Variants in BIRC6 observed in about 807,000 individuals in gnomAD.
BIRC6 encodes the protein dual E2 ubiquitin-conjugating enzyme/E3 ubiquitin-protein ligase BIRC6.
Under a neutral mutation model 503.3 loss-of-function variants are expected in BIRC6, and 98 were observed. That is an observed-to-expected ratio of 0.19 (90% CI 0.17 to 0.23). The LOEUF (loss-of-function observed/expected upper bound fraction) is 0.23. Ranked by LOEUF, BIRC6 falls within the 10% of genes least tolerant of loss-of-function variation. The pLI, the probability that BIRC6 is intolerant of heterozygous loss-of-function variation, is 1.00. For missense variants in BIRC6, 5,360 were observed against 5,806.0 expected, an observed-to-expected ratio of 0.92 and a Z score of 2.50; for synonymous variants, 2,240 against 2,078.7, an observed-to-expected ratio of 1.08 and a Z score of -2.11.
At chr2:32,483,696 G>T (rs1472121995) in intron 39 of BIRC6, among the ~76,000 whole-genome samples, 2 of 152,130 alleles carry the variant, frequency 1.3e-5, no homozygotes. Context: ...TTTGAAGATG[G>T]CAGGCCAGTT....
intron 26 of BIRC6, 97 bp from the exon 27 acceptor site, chr2:32,467,428 C>A: frequency 2.1e-6 from 2 of 952,970 alleles, no homozygotes; most frequent in Non-Finnish European, 1.6e-6. Context: ...TAGTGAGTTG[C>A]TTTCATATTT....
At chr2:32,594,465 TG>T (rs1304602414) in intron 67 of BIRC6, among the ~76,000 whole-genome samples, 4 of 152,160 alleles carry the variant, frequency 2.6e-5, no homozygotes, top group Non-Finnish European at 5.9e-5. Context: ...GAGGACTAAA[TG>T]GATAGATCAC....
chr2:32,518,011 C>G (rs2055242238), intron 55 of BIRC6, among the ~76,000 whole-genome samples: 1 of 150,702 alleles, frequency 6.6e-6, no homozygotes, highest in African/African-American at 2.4e-5. Context: ...TTTTTCTAAC[C>G]CTGGACACGT....
In BIRC6 at chr2:32,502,908, A is replaced by T. The variant is rs756156918; in HGVS notation, c.9304+17A>T. The stretch of plus-strand genomic sequence containing the variant: ...ATGATATGGGTAAGATAATATTTCA[A>T]TAACTATCATTTAAGTGTAGTTATG... On this transcript the variant is annotated intron_variant, in intron 48 of 73. Transcript: ENST00000421745. 1 of 1,577,626 alleles carries T rather than the reference A, an allele frequency of 6.3e-7. No homozygotes were observed. Among genetic ancestry groups the T allele is most frequent in the African/African-American group, 1.4e-5 (1 of 73,628 alleles).
At position 32,618,702 on chromosome 2, in the gene BIRC6, T is replaced by C. The variant is rs550822032; in HGVS notation, c.*798T>C. Reference sequence around the variant, plus strand: ...TTTTTTTTTTCTAAAGGGCTCCTTTTTTCCTGGACTATGTGGTTTTATGAC... The same window carrying C: ...TTTTTTTTTTCTAAAGGGCTCCTTTCTTCCTGGACTATGTGGTTTTATGAC... On this transcript the variant is annotated 3_prime_UTR_variant, in exon 74 of 74. Coordinates refer to ENST00000421745, the MANE Select transcript of BIRC6 (RefSeq NM_016252.4). 7 of 152,748 alleles carry C rather than the reference T, an allele frequency of 4.6e-5. No homozygotes were observed. Among genetic ancestry groups the C allele is most frequent in the South Asian group, 2.1e-4 (1 of 4,826 alleles). The allele number at this position is 152,748 out of a possible 1,614,324, so 9.5% of individuals were successfully genotyped here.
intron 24 of BIRC6, 62 bp downstream of exon 24, chr2:32,463,443 T>A (rs2048208457): frequency 1.4e-6 from 2 of 1,437,320 alleles, no homozygotes; most frequent in Admixed American, 2.6e-5. Context: ...GAAAAAGTAC[T>A]TTAAAAATGA....
chr2:32,365,978 G>A lies in BIRC6; in HGVS notation c.325+8492G>A, dbSNP rs150499399. On this transcript the variant is annotated intron_variant, in intron 1 of 73. Coordinates refer to ENST00000421745, the MANE Select transcript of BIRC6 (RefSeq NM_016252.4). ...TGGCTCACTGTAAACTCTGCCTCCT[G>A]GGTTCAAGCGATTCTCCTGTCTCAG... Among the ~76,000 whole-genome samples, 914 of 152,118 alleles carry A rather than the reference G, an allele frequency of 6.0e-3. 17 individuals carry two copies. Among genetic ancestry groups the A allele is most frequent in the African/African-American group, 0.021 (890 of 41,496 alleles).
chr2:32,435,532 C>T lies in BIRC6; in HGVS notation c.3446C>T (p.Ser1149Phe), dbSNP rs138022319. Residue 1149 changes from serine (S) to phenylalanine (F), a missense_variant, in exon 14 of 74, where the codon TCC (serine) becomes TTC (phenylalanine). Transcript: ENST00000421745. ...GAAGTGGAACAAAATGGGAAACCGTCCCTGGTTGATTTGAATGAAGAAATG... is the reference window on the plus strand; with the variant it reads ...GAAGTGGAACAAAATGGGAAACCGTTCCTGGTTGATTTGAATGAAGAAATG... ...NIEVEQNGKP[S>F]LVDLNEEMQH... The T allele has an allele frequency of 6.8e-5, 106 of 1,554,820 alleles. 1 individual carries two copies. In the Middle Eastern group the frequency reaches 8.3e-4, roughly 12 times the overall value.
At position 32,378,582 on chromosome 2, in the gene BIRC6, C is replaced by G. The variant is rs145234461; in HGVS notation, c.507+813C>G. Among the ~76,000 whole-genome samples, 215 of 152,012 alleles carry G rather than the reference C, an allele frequency of 1.4e-3. 2 individuals are homozygous for G. The highest frequency in any genetic ancestry group is 4.9e-3 in the African/African-American group (205 of 41,470). On this transcript the variant is annotated intron_variant, in intron 2 of 73. Coordinates refer to ENST00000421745, the MANE Select transcript of BIRC6 (RefSeq NM_016252.4). Reference sequence around the variant, plus strand: ...AAGTGATTCTCTTGCCTCAGCCTCCCTAGTAGCTGGGATTACAGGCATGCA... The same window carrying G: ...AAGTGATTCTCTTGCCTCAGCCTCCGTAGTAGCTGGGATTACAGGCATGCA...
chr2:32,389,524 TTTTG>T (rs2149526289), intron 4 of BIRC6, among the ~76,000 whole-genome samples: 1 of 152,318 alleles, frequency 6.6e-6, no homozygotes, highest in African/African-American at 2.4e-5. Flanking sequence ...TGAATGCCTA[TTTTG>T]TTTAATTAAT....
intron 9 of BIRC6, among the ~76,000 whole-genome samples, chr2:32,408,860 T>C (rs2041540732): frequency 6.6e-6 from 1 of 152,178 alleles, no homozygotes; most frequent in Admixed American, 6.5e-5. Context: ...ATTGCCTCAT[T>C]TGAGGATTTG....
chr2:32,502,689 G>C (rs993542979), intron 47 of BIRC6, 106 bp from the exon 48 acceptor site: 10 of 742,002 alleles, frequency 1.3e-5, no homozygotes, highest in East Asian at 1.2e-4. Flanking sequence ...CGTATTTAAG[G>C]CTGTCAGTTT....
intron 50 of BIRC6, 185 bp downstream of exon 50, chr2:32,505,390 C>T (rs1163450206): frequency 1.8e-6 from 1 of 566,026 alleles, no homozygotes; most frequent in African/African-American, 1.9e-5. Context: ...CTGTTAACCT[C>T]AGACAAAAAG....
chr2:32,549,219 T>C, intron 64 of BIRC6, 94 bp from the exon 65 acceptor site: 2 of 828,640 alleles, frequency 2.4e-6, no homozygotes, highest in South Asian at 7.7e-5. Flanking sequence ...GTAGAAAATA[T>C]GTACTCTTAG....
chr2:32,408,433 A>G (rs950933739), intron 9 of BIRC6, among the ~76,000 whole-genome samples: 30 of 152,184 alleles, frequency 2.0e-4, no homozygotes, highest in Non-Finnish European at 4.0e-4. Flanking sequence ...CTTTCAAAAA[A>G]TAACTCCTTG....
At chr2:32,374,858 G>A (rs1304195733) in intron 1 of BIRC6, among the ~76,000 whole-genome samples, 1 of 152,128 alleles carries the variant, frequency 6.6e-6, no homozygotes, top group African/African-American at 2.4e-5. Context: ...TTCCGTGTAG[G>A]CCTCCCTAAG....
intron 6 of BIRC6, among the ~76,000 whole-genome samples, 183 bp downstream of exon 6, chr2:32,395,776 A>C (rs947547642): frequency 2.6e-5 from 4 of 152,218 alleles, no homozygotes; most frequent in African/African-American, 9.7e-5. Flanking sequence ...CAGTGTCTGT[A>C]AGTTTGACTT....
chr2:32,526,268 C>T (rs2056263896), intron 59 of BIRC6, among the ~76,000 whole-genome samples: 1 of 152,124 alleles, frequency 6.6e-6, no homozygotes, highest in Non-Finnish European at 1.5e-5. Context: ...ATGCCCGATT[C>T]CTCCCTACAT....
chr2:32,429,004 A>G (rs2043822094), intron 10 of BIRC6, 142 bp from the exon 11 acceptor site: 2 of 711,210 alleles, frequency 2.8e-6, no homozygotes, highest in Admixed American at 4.0e-5. Context: ...TTAAATTTCT[A>G]AACTCTTGGA....
Sources: gnomAD v4.1 joint callset for allele counts (sites outside exome capture counted in the v4.1 genomes callset) on GRCh38, gnomAD v4.1.1 for gene constraint, MANE v1.5 for transcripts, NCBI Gene and HGNC (gene_info 2026-07-23, HGNC 2026-07-21) for gene names.